BIRC6: variants seen among roughly 807,000 people sequenced by gnomAD.
BIRC6 encodes the protein dual E2 ubiquitin-conjugating enzyme/E3 ubiquitin-protein ligase BIRC6.
BIRC6 carries 98 observed loss-of-function variants against 503.3 expected under a neutral mutation model. The ratio of observed to expected loss-of-function variants is 0.19; its 90% CI spans 0.17 to 0.23. The LOEUF is 0.23. BIRC6 is among the 10% of genes least tolerant of loss of function. The pLI is 1.00. For synonymous variants in BIRC6, 2,240 were observed against 2,078.7 expected, an observed-to-expected ratio of 1.08 and a Z score of -2.11; for missense variants, 5,360 against 5,806.0, an observed-to-expected ratio of 0.92 and a Z score of 2.50.
At position 32,617,742 on chromosome 2, in the gene BIRC6, C is replaced by G; in HGVS notation, c.14412C>G (p.Leu4804=). The change falls in exon 74 of 74, where the codon CTC becomes CTG. Residue 4804 remains leucine, a synonymous_variant. Coordinates refer to ENST00000421745, the MANE Select transcript of BIRC6 (RefSeq NM_016252.4). ...AAALKRHTAQ[L]REELLKLPCP... is the part of the protein sequence containing the mutation. Reference sequence around the variant, plus strand: ...CTGCATAGCGTCACACTGCTCAGCTCCGCGAAGAGTTGCTGAAACTTCCCT... The same window carrying G: ...CTGCATAGCGTCACACTGCTCAGCTGCGCGAAGAGTTGCTGAAACTTCCCT... 1 of 1,613,944 alleles carries G rather than the reference C, an allele frequency of 6.2e-7. No individual in the cohort carries two copies. Among genetic ancestry groups the G allele is most frequent in the Non-Finnish European group, 8.5e-7 (1 of 1,179,868 alleles).
rs904961057 is a variant in BIRC6, at chr2:32,392,646, A to G, written c.951+496A>G. 1.3e-4 allele frequency among the ~76,000 whole-genome samples: 20 copies of G among 152,144 alleles called. 1 individual carries two copies. The highest frequency in any genetic ancestry group is 1.5e-5 in the Non-Finnish European group (1 of 68,032). ...TATTTTTATTTTTTGTCTTTGAGAC[A>G]GGGTCTCACTCTGTTGCCCACGCTG... On this transcript the variant is annotated intron_variant, in intron 5 of 73. Transcript: ENST00000421745.
chr2:32,434,110 G>T (rs953473085), intron 13 of BIRC6, among the ~76,000 whole-genome samples: 25 of 152,024 alleles, frequency 1.6e-4, no homozygotes, highest in African/African-American at 5.3e-4. Context: ...CTTTTCCTAG[G>T]AGAAGACTTA....
intron 57 of BIRC6, among the ~76,000 whole-genome samples, chr2:32,523,789 C>G (rs1475641631): frequency 1.3e-5 from 2 of 152,174 alleles, no homozygotes; most frequent in Non-Finnish European, 2.9e-5. Context: ...TGCAGTGGCT[C>G]ATGCCTGGAA....
intron 12 of BIRC6, among the ~76,000 whole-genome samples, chr2:32,432,429 A>G (rs2044230078): frequency 6.6e-6 from 1 of 152,042 alleles, no homozygotes; most frequent in African/African-American, 2.4e-5. Context: ...GAAGAAAAAC[A>G]GAGGTAGAGG....
intron 3 of BIRC6, among the ~76,000 whole-genome samples, chr2:32,382,095 A>G (rs1223311984): frequency 1.3e-5 from 2 of 152,360 alleles, no homozygotes; most frequent in Middle Eastern, 3.4e-3. Context: ...AGATCCTGAG[A>G]TAACAGAGAT....
intron 10 of BIRC6, among the ~76,000 whole-genome samples, chr2:32,416,762 TCTTTTC>T (rs1180720269): frequency 1.3e-5 from 2 of 151,310 alleles, no homozygotes; most frequent in African/African-American, 2.5e-5. Flanking sequence ...TTTTCTCCTT[TCTTTTC>T]CTTTTCCTTT....
chr2:32,569,202 T>G (rs998302223), intron 65 of BIRC6, among the ~76,000 whole-genome samples: 6 of 152,078 alleles, frequency 3.9e-5, no homozygotes, highest in Admixed American at 1.3e-4. Context: ...TTGACCAGAC[T>G]GGCCTTGAAC....
At chr2:32,617,434 C>G (rs1047236034) in intron 73 of BIRC6, among the ~76,000 whole-genome samples, 2 of 152,122 alleles carry the variant, frequency 1.3e-5, no homozygotes, top group Admixed American at 1.3e-4. Flanking sequence ...TAATAATGTC[C>G]TTTAAATTGT....
chr2:32,392,284 GT>G, intron 5 of BIRC6, 134 bp downstream of exon 5: 11 of 635,690 alleles, frequency 1.7e-5, no homozygotes, highest in East Asian at 8.6e-5. Context: ...ATGGATGCTT[GT>G]TTTTTTGGCC....
intron 21 of BIRC6, among the ~76,000 whole-genome samples, chr2:32,446,437 C>T (rs1023634097): frequency 1.3e-5 from 2 of 152,166 alleles, no homozygotes; most frequent in African/African-American, 4.8e-5. Flanking sequence ...TGAAGTAAGG[C>T]GTTCCTTTAT....
chr2:32,465,161 T>A lies in BIRC6; in HGVS notation c.5353T>A (p.Ser1785Thr). Reference sequence around the variant, plus strand: ...GTCCATTATTATAGAGCGAATGCATTCAGGTAATCTTTTACTTTCTTAAAT... The same window carrying A: ...GTCCATTATTATAGAGCGAATGCATACAGGTAATCTTTTACTTTCTTAAAT... ...HQSIIIERMHSGARRFVTLDF... is the reference protein window; with the variant it reads ...HQSIIIERMHTGARRFVTLDF... The change falls in exon 26 of 74, where the codon TCA becomes ACA. Residue 1785 changes from serine to threonine, a missense_variant. By Grantham distance (58) the Ser-to-Thr change is moderately conservative (BLOSUM62 1). This residue lies in a region of BIRC6 where 2,299 missense variants were observed against 2,267.2 expected (regional missense o/e 1.01). Coordinates refer to ENST00000421745, the MANE Select transcript of BIRC6 (RefSeq NM_016252.4). 6.7e-7 allele frequency: 1 copy of A among 1,502,050 alleles called. No individual in the cohort carries two copies. Among genetic ancestry groups the A allele is most frequent in the Non-Finnish European group, 9.0e-7 (1 of 1,112,370 alleles). The allele number at this position is 1,502,050 out of a possible 1,614,324, so 93.0% of individuals were successfully genotyped here. A position where few individuals can be genotyped will look rare whatever the true frequency, so the allele number is the denominator to read the frequency against.
chr2:32,386,590 G>A (rs1016363420), intron 3 of BIRC6, among the ~76,000 whole-genome samples: 2 of 151,980 alleles, frequency 1.3e-5, no homozygotes, highest in African/African-American at 2.4e-5. Flanking sequence ...GATGACAAGT[G>A]CATGCCATCA....
chr2:32,475,285 CTTTATA>C (rs1160028086), intron 33 of BIRC6, among the ~76,000 whole-genome samples: 1 of 151,400 alleles, frequency 6.6e-6, no homozygotes, highest in Non-Finnish European at 1.5e-5. Flanking sequence ...CTTTCTAGTA[CTTTATA>C]TTTAAAGTAA....
intron 22 of BIRC6, chr2:32,449,299 A>G (rs1224384322): frequency 1.9e-5 from 3 of 159,546 alleles, no homozygotes; most frequent in African/African-American, 7.2e-5. Context: ...TCCTATTTCA[A>G]AAATACAAAA....
chr2:32,365,465 G>A (rs148160091), intron 1 of BIRC6, among the ~76,000 whole-genome samples: 7 of 151,968 alleles, frequency 4.6e-5, no homozygotes, highest in Non-Finnish European at 8.8e-5. Context: ...GATTACAGGC[G>A]TGCGCCTGCA....
chr2:32,470,545 A>T (rs2048997959), intron 31 of BIRC6, among the ~76,000 whole-genome samples: 1 of 152,286 alleles, frequency 6.6e-6, no homozygotes, highest in African/African-American at 2.4e-5. Flanking sequence ...ATTATAACTA[A>T]AGTCAAACTC....
At chr2:32,397,101 C>A (rs374783090) in intron 6 of BIRC6, among the ~76,000 whole-genome samples, 4 of 152,178 alleles carry the variant, frequency 2.6e-5, no homozygotes, top group African/African-American at 9.7e-5. Flanking sequence ...GTGTTTCTCT[C>A]TCTCCAAATA....
intron 66 of BIRC6, among the ~76,000 whole-genome samples, chr2:32,584,874 C>G (rs2060924718): frequency 6.6e-6 from 1 of 152,086 alleles, no homozygotes; most frequent in Non-Finnish European, 1.5e-5. Flanking sequence ...TTGAAAATTC[C>G]TGTAACCATA....
chr2:32,431,766 C>G (rs1195386144), intron 12 of BIRC6, among the ~76,000 whole-genome samples: 1 of 152,196 alleles, frequency 6.6e-6, no homozygotes, highest in African/African-American at 2.4e-5. Context: ...AAAGCAGGCA[C>G]TCTTATAGTC....
Sources: allele counts gnomAD v4.1 joint callset (sites outside exome capture counted in the v4.1 genomes callset), GRCh38; gene constraint gnomAD v4.1.1; regional missense constraint gnomAD v4.1.1; transcripts MANE v1.5; gene names NCBI Gene and HGNC (gene_info 2026-07-23, HGNC 2026-07-21).